Variants in HS6ST2 observed in about 807,000 individuals in gnomAD.
HS6ST2 encodes heparan sulfate 6-O-sulfotransferase 2.
In HS6ST2, 17 loss-of-function variants were observed where a neutral mutation model predicts 33.0. The observed-to-expected ratio is 0.52, with a 90% CI of 0.35 to 0.77. The LOEUF (loss-of-function observed/expected upper bound fraction) is 0.77, where lower values mean the gene tolerates loss of function less well. Among genes scored for constraint, HS6ST2 ranks in the 30% least tolerant of loss-of-function variants. HS6ST2 has a pLI of 0.01. For synonymous variants in HS6ST2, 248 were observed against 237.1 expected (o/e 1.05, Z -0.42); for missense variants, 519 against 551.7 (o/e 0.94, Z 0.59).
chrX:132,824,749 T>G, intron 2 of HS6ST2, among the ~76,000 whole-genome samples: 1 of 112,881 alleles, frequency 8.9e-6, no homozygotes, highest in Admixed American at 9.4e-5. Context: ...GTCATTGCTT[T>G]TCTCTTAAAT....
At position 132,627,921 on chromosome X, in the gene HS6ST2, A is replaced by G. The variant is rs1300894256; in HGVS notation, c.*302T>C. 5.6e-6 allele frequency: 1 copy of G among 178,483 alleles called. No individual in the cohort carries two copies. Among genetic ancestry groups the G allele is most frequent in the African/African-American group, 3.0e-5 (1 of 33,441 alleles). 14.7% of individuals were successfully genotyped at this position (178,483 alleles called of 1,213,427 possible). ...CATTTTATGTTTTCACTTTGTCTCCATAACTAATTTAAGAACTTCTTAAAA... is the reference window on the plus strand; with the variant it reads ...CATTTTATGTTTTCACTTTGTCTCCGTAACTAATTTAAGAACTTCTTAAAA... On this transcript the variant is annotated 3_prime_UTR_variant, in exon 5 of 5. Coordinates refer to ENST00000370833, the MANE Select transcript of HS6ST2 (RefSeq NM_001394073.1).
intron 2 of HS6ST2, among the ~76,000 whole-genome samples, chrX:132,792,211 C>A (rs1459031587): frequency 6.2e-5 from 7 of 112,184 alleles, no homozygotes; most frequent in Non-Finnish European, 1.1e-4. Flanking sequence ...CAAGTGGGCA[C>A]AAGGTGGTTA....
intron 2 of HS6ST2, among the ~76,000 whole-genome samples, chrX:132,837,582 T>G (rs1251784215): frequency 8.9e-6 from 1 of 111,839 alleles, no homozygotes; most frequent in African/African-American, 3.3e-5. Context: ...GAACCCTGTG[T>G]GGCAGGTTCC....
chrX:132,753,713 G>A (rs1373018943), intron 2 of HS6ST2, among the ~76,000 whole-genome samples: 1 of 111,806 alleles, frequency 8.9e-6, no homozygotes, highest in African/African-American at 3.3e-5. Context: ...GTGTCTCCTA[G>A]GAAATCCAGT....
chrX:132,921,938 T>C (rs2066654992), intron 2 of HS6ST2, among the ~76,000 whole-genome samples: 2 of 112,018 alleles, frequency 1.8e-5, no homozygotes, highest in African/African-American at 6.5e-5. Flanking sequence ...TGGTTGGAGT[T>C]AGAAAGTAGG....
chrX:132,743,808 C>T (rs1460344609), intron 2 of HS6ST2, among the ~76,000 whole-genome samples: 1 of 111,729 alleles, frequency 9.0e-6, no homozygotes, highest in African/African-American at 3.3e-5. Context: ...CACTCTGTTG[C>T]CCAGGCTGGA....
chrX:132,835,926 G>A (rs763595667), intron 2 of HS6ST2, among the ~76,000 whole-genome samples: 1 of 111,627 alleles, frequency 9.0e-6, no homozygotes, highest in Non-Finnish European at 1.9e-5. Context: ...GTGGAGGGGG[G>A]AAGAAATCTG....
intron 3 of HS6ST2, among the ~76,000 whole-genome samples, chrX:132,686,933 A>G (rs1334365684): frequency 1.8e-5 from 2 of 111,944 alleles, no homozygotes; most frequent in Non-Finnish European, 3.8e-5. Context: ...TGTGTTCCAT[A>G]CTTTCAAAGA....
intron 2 of HS6ST2, among the ~76,000 whole-genome samples, chrX:132,956,099 C>T (rs904205777): frequency 4.5e-5 from 5 of 112,100 alleles, no homozygotes; most frequent in Non-Finnish European, 5.6e-5. Flanking sequence ...GAACCATGAG[C>T]TCTCCTTGGA....
At chrX:132,771,872 T>C (rs1453483337) in intron 2 of HS6ST2, among the ~76,000 whole-genome samples, 3 of 111,969 alleles carry the variant, frequency 2.7e-5, no homozygotes, top group Non-Finnish European at 3.8e-5. Flanking sequence ...CTTTGGCATA[T>C]ATTGGATGAC....
chrX:132,716,912 GC>G (rs1408803740), intron 2 of HS6ST2, among the ~76,000 whole-genome samples: 1 of 112,087 alleles, frequency 8.9e-6, no homozygotes, highest in Non-Finnish European at 1.9e-5. Flanking sequence ...ACACAGCTTC[GC>G]AAGGGGCTGC....
At chrX:132,708,105 CTT>C (rs1481406346) in intron 3 of HS6ST2, among the ~76,000 whole-genome samples, 5 of 109,810 alleles carry the variant, frequency 4.6e-5, no homozygotes, top group South Asian at 4.1e-4. Context: ...GTAAAGAACA[CTT>C]TGCCAACGGT....
In HS6ST2 at chrX:132,637,918, TTA is replaced by T. The variant is rs1285746033; in HGVS notation, c.1068-8827_1068-8826del. Among the ~76,000 whole-genome samples the T allele has an allele frequency of 1.2e-3, 59 of 51,110 alleles. 1 individual carries two copies. Among genetic ancestry groups the T allele is most frequent in the Non-Finnish European group, 1.5e-3 (53 of 36,077 alleles). The allele number at this position is 51,110 out of a possible 115,157, so 44.4% of individuals were successfully genotyped here. A position where few individuals can be genotyped will look rare whatever the true frequency, so the allele number is the denominator to read the frequency against. On this transcript the variant is annotated intron_variant, in intron 4 of 4. Transcript: ENST00000370833. ...TATATATAATATTATATATAATATT[TTA>T]TATATATATTATATATAATATTTTA...
At chrX:132,912,182 T>C (rs759521696) in intron 2 of HS6ST2, among the ~76,000 whole-genome samples, 125 of 112,915 alleles carry the variant, frequency 1.1e-3, no homozygotes, top group African/African-American at 3.9e-3. Flanking sequence ...TTAGGTAGCC[T>C]ACCCTTTAGG....
At position 132,669,205 on chromosome X, in the gene HS6ST2, C is replaced by T; in HGVS notation, c.981-6G>A. The T allele has an allele frequency of 1.7e-6, 2 of 1,197,776 alleles. No homozygotes were observed. ...GAGAACCCCGTTTATCCTTACTATA[C>T]CCACAGAAAGAATAGAAAACATATA... On this transcript the variant is annotated splice_region_variant and splice_polypyrimidine_tract_variant and intron_variant, in intron 3 of 4. Transcript: ENST00000370833.
chrX:132,809,491 A>T (rs1465572555), intron 2 of HS6ST2, among the ~76,000 whole-genome samples: 1 of 112,216 alleles, frequency 8.9e-6, no homozygotes, highest in African/African-American at 3.2e-5. Context: ...GGAATGCAAA[A>T]GCATCATGGT....
intron 2 of HS6ST2, among the ~76,000 whole-genome samples, chrX:132,790,134 T>G (rs1988860): frequency 0.3 from 33,783 of 110,855 alleles, 4,070 homozygotes; most frequent in Middle Eastern, 0.35. Context: ...AAATCTTTTG[T>G]GAAAGGAAGA....
intron 4 of HS6ST2, among the ~76,000 whole-genome samples, chrX:132,638,272 A>G (rs1283846465): frequency 9.1e-6 from 1 of 110,161 alleles, no homozygotes; most frequent in Non-Finnish European, 1.9e-5. Context: ...AATTGAATCA[A>G]AGGCAAACAT....
At chrX:132,807,537 A>G (rs1404450372) in intron 2 of HS6ST2, among the ~76,000 whole-genome samples, 1 of 110,906 alleles carries the variant, frequency 9.0e-6, no homozygotes, top group Non-Finnish European at 1.9e-5. Context: ...GCTTATAGGG[A>G]CTTATTTCTG....
Sources: gnomAD v4.1 joint callset for allele counts (sites outside exome capture counted in the v4.1 genomes callset) on GRCh38, gnomAD v4.1.1 for gene constraint, MANE v1.5 for transcripts, NCBI Gene and HGNC (gene_info 2026-07-23, HGNC 2026-07-21) for gene names.